Variants in P3H1 observed in about 807,000 individuals in gnomAD.
P3H1 encodes the protein prolyl 3-hydroxylase 1, also known as growth suppressor 1.
Under a neutral mutation model 84.0 loss-of-function variants are expected in P3H1, and 69 were observed. That is an observed-to-expected ratio of 0.82 (90% CI 0.68 to 1.00). The LOEUF is 1.00. Among genes scored for constraint, P3H1 ranks in the 50% least tolerant of loss-of-function variants. P3H1 has a pLI of 0.00. For synonymous variants in P3H1, 366 were observed against 388.8 expected (o/e 0.94, Z 0.69); for missense variants, 878 against 962.8 (o/e 0.91, Z 1.17).
intron 2 of P3H1, among the ~76,000 whole-genome samples, chr1:42,759,720 AG>A (rs1177774071): frequency 6.6e-6 from 1 of 151,764 alleles, no homozygotes; most frequent in Non-Finnish European, 1.5e-5. Context: ...CAGCCTCCCT[AG>A]TAGCTGGGAT....
intron 11 of P3H1, among the ~76,000 whole-genome samples, chr1:42,749,009 C>T (rs1651885291): frequency 6.6e-6 from 1 of 152,258 alleles, no homozygotes; most frequent in African/African-American, 2.4e-5. Context: ...CTCACTTCTC[C>T]CTCCTCCCAC....
At chr1:42,753,405 TTC>T (rs919407380) in intron 8 of P3H1, among the ~76,000 whole-genome samples, 7 of 152,208 alleles carry the variant, frequency 4.6e-5, no homozygotes, top group Admixed American at 2.6e-4. Context: ...CTCATGGTGT[TTC>T]TCTGTGCTAG....
Position 42,750,649 on chromosome 1 carries a change from CCGG to C in P3H1, c.1570-316_1570-314del, listed in dbSNP as rs1557563116. Among the ~76,000 whole-genome samples, 2 of 25,120 alleles carry C rather than the reference CCGG, an allele frequency of 8.0e-5. 1 individual carries two copies. The highest frequency in any genetic ancestry group is 1.5e-4 in the Non-Finnish European group (2 of 13,008). 16.5% of individuals were successfully genotyped at this position (25,120 alleles called of 152,430 possible). A position where few individuals can be genotyped will look rare whatever the true frequency, so the allele number is the denominator to read the frequency against. ...CCAGCCACCCCGTCCGGGAGGGAGG[CCGG>C]GGGGGGTGGTCGGCCAGCCGCCCCG... On this transcript the variant is annotated intron_variant, in intron 10 of 14. Coordinates refer to ENST00000296388, the MANE Select transcript of P3H1 (RefSeq NM_022356.4).
At chr1:42,749,015 C>G (rs904913950) in intron 11 of P3H1, among the ~76,000 whole-genome samples, 1 of 152,272 alleles carries the variant, frequency 6.6e-6, no homozygotes, top group African/African-American at 2.4e-5. Context: ...TCTCCCTCCT[C>G]CCACTGCCAC....
Position 42,746,744 on chromosome 1 carries a change from G to A in P3H1, c.2164C>T (p.Gln722Ter), listed in dbSNP as rs771006240. 2 of 1,552,892 alleles carry A rather than the reference G, an allele frequency of 1.3e-6. No individual in the cohort carries two copies. Among genetic ancestry groups the A allele is most frequent in the Non-Finnish European group, 1.7e-6 (2 of 1,147,638 alleles). The change falls in exon 15 of 15, where the codon CAA (glutamine) becomes TAA (stop). Residue 722 changes from glutamine (Q) to a stop codon, truncating the protein, a stop_gained. Coordinates refer to ENST00000296388, the MANE Select transcript of P3H1 (RefSeq NM_022356.4). LOFTEE classifies it high-confidence loss of function. ...DAQQGPPEPA[Q>*]ESLSGSESKP... ...GATTCACTGCCTGAGAGAGACTCTTGTGCAGGTTCGGGGGGGCCCTGCTGG... is the reference window on the plus strand; with the variant it reads ...GATTCACTGCCTGAGAGAGACTCTTATGCAGGTTCGGGGGGGCCCTGCTGG...
At chr1:42,746,931 G>C (rs1314707362) in intron 14 of P3H1, 79 bp from the exon 15 acceptor site, 6 of 1,614,144 alleles carry the variant, frequency 3.7e-6, no homozygotes, top group Non-Finnish European at 5.1e-6. Flanking sequence ...ACTTCCCAGG[G>C]GACAAGGAAG....
chr1:42,752,299 C>A lies in P3H1; in HGVS notation c.1544G>T (p.Gly515Val). The change falls in exon 10 of 15, where the codon GGT becomes GTT. Residue 515 changes from glycine (G) to valine (V), a missense_variant. By Grantham distance (109) the Gly-to-Val change is moderately radical (BLOSUM62 -3). Transcript: ENST00000296388. ...CTTGAGGGCTTTGAAGACAGTGACACCATAGAACTTTTCATTGGGAGTATG... is the reference window on the plus strand; with the variant it reads ...CTTGAGGGCTTTGAAGACAGTGACAACATAGAACTTTTCATTGGGAGTATG... ...SPHTPNEKFY[G>V]VTVFKALKLG... 2 of 1,614,074 alleles carry A rather than the reference C, an allele frequency of 1.2e-6. No homozygotes were observed. The highest frequency in any genetic ancestry group is 1.7e-6 in the Non-Finnish European group (2 of 1,179,968).
intron 8 of P3H1, among the ~76,000 whole-genome samples, chr1:42,753,300 C>A (rs968388724): frequency 6.6e-6 from 1 of 152,170 alleles, no homozygotes; most frequent in East Asian, 1.9e-4. Context: ...CAAAGGAATG[C>A]TGGACAAATT....
intron 2 of P3H1, chr1:42,761,059 C>A (rs1652686112): frequency 6.6e-6 from 1 of 150,716 alleles, no homozygotes; most frequent in African/African-American, 2.4e-5. Flanking sequence ...GCAACCTCCA[C>A]CTTCCAGGTT....
Position 42,754,718 on chromosome 1 carries a change from TAGGA to T in P3H1, c.1345+147_1345+150del, listed in dbSNP as rs768968897. Reference sequence around the variant, plus strand: ...CCAGCTGAAAGTCCCGCTGGTGAGTTAGGAAGGATGTCCACTGAACTTGCACCCT... The same window carrying T: ...CCAGCTGAAAGTCCCGCTGGTGAGTTAGGATGTCCACTGAACTTGCACCCT... On this transcript the variant is annotated intron_variant, in intron 8 of 14. Transcript: ENST00000296388. The surrounding 1 kb of genome is among the most constrained non-coding windows in gnomAD (Gnocchi z 4.0). 3 of 939,620 alleles carry T rather than the reference TAGGA, an allele frequency of 3.2e-6. No homozygotes were observed. Among genetic ancestry groups the T allele is most frequent in the Non-Finnish European group, 5.0e-6 (3 of 597,308 alleles). 58.2% of individuals were successfully genotyped at this position (939,620 alleles called of 1,614,324 possible). A position where few individuals can be genotyped will look rare whatever the true frequency, so the allele number is the denominator to read the frequency against.
Position 42,754,494 on chromosome 1 carries a change from A to G in P3H1, c.1345+375T>C, listed in dbSNP as rs113755712. On this transcript the variant is annotated intron_variant, in intron 8 of 14. Transcript: ENST00000296388. This position sits in a 1 kb window ranked among gnomAD's most constrained non-coding sequence, Gnocchi z 4.0. ...TGGAAGTGGACAACACTAGTCACTC[A>G]TGTTTCTGTGACACAGAAGTCTCAT... 5.9e-5 allele frequency among the ~76,000 whole-genome samples: 9 copies of G among 152,260 alleles called. No individual in the cohort carries two copies. The highest frequency in any genetic ancestry group is 2.2e-4 in the African/African-American group (9 of 41,546).
Position 42,747,715 on chromosome 1 carries a change from G to A in P3H1, c.1914+8C>T. 2 of 1,613,700 alleles carry A rather than the reference G, an allele frequency of 1.2e-6. No individual in the cohort carries two copies. The highest frequency in any genetic ancestry group is 1.7e-6 in the Non-Finnish European group (2 of 1,179,578). On this transcript the variant is annotated splice_region_variant and intron_variant, in intron 13 of 14. Transcript: ENST00000296388. Reference sequence around the variant, plus strand: ...ATCTCCCAGGGACAAGGACAAGGGAGCACTCACCGTCACGGTCTTGGCATC... The same window carrying A: ...ATCTCCCAGGGACAAGGACAAGGGAACACTCACCGTCACGGTCTTGGCATC...
At chr1:42,748,467 A>G in intron 11 of P3H1, 150 bp from the exon 12 acceptor site, 1 of 721,698 alleles carries the variant, frequency 1.4e-6, no homozygotes. Context: ...CCACAAGCCT[A>G]GGGGTCAGGA....
At position 42,754,900 on chromosome 1, in the gene P3H1, C is replaced by G. The variant is rs371567407; in HGVS notation, c.1314G>C (p.Glu438Asp). Residue 438 changes from glutamate to aspartate, a missense_variant, in exon 8 of 15, where the codon GAG becomes GAC. Physicochemically the swap from Glu to Asp is conservative, Grantham distance 45. Transcript: ENST00000296388. The surrounding 1 kb of genome is among the most constrained non-coding windows in gnomAD (Gnocchi z 4.0). ...IETLVEEKTK[E>D]SLDVSRLTRE... ...GGGTCAGTCTGCTCACATCCAGTGA[C>G]TCCTTGGTCTTCTCTTCCACAAGGG... The G allele has an allele frequency of 6.2e-7, 1 of 1,614,208 alleles. No homozygotes were observed. Among genetic ancestry groups the G allele is most frequent in the Admixed American group, 1.7e-5 (1 of 60,030 alleles).
In P3H1 at chr1:42,763,195, A is replaced by G. The variant is rs111805265; in HGVS notation, c.466-720T>C. On this transcript the variant is annotated intron_variant, in intron 1 of 14. Coordinates refer to ENST00000296388, the MANE Select transcript of P3H1 (RefSeq NM_022356.4). ...GTAGAGAAAAAAGAGCAGCTAACAG[A>G]CTATGCCTAAGAATTTTCCTAGAAA... is the stretch of plus-strand genomic sequence containing the variant. Among the ~76,000 whole-genome samples, 940 of 152,274 alleles carry G rather than the reference A, an allele frequency of 6.2e-3. 7 individuals carry two copies. Among genetic ancestry groups the G allele is most frequent in the African/African-American group, 0.021 (879 of 41,556 alleles).
chr1:42,765,738 TC>T lies in P3H1; in HGVS notation c.465+768del, dbSNP rs559839349. The stretch of plus-strand genomic sequence containing the variant: ...ACCAGATATAATGCACAACTCTTTC[TC>T]CCCCCACCCCCAATACAGTGGGACT... On this transcript the variant is annotated intron_variant, in intron 1 of 14. Coordinates refer to ENST00000296388, the MANE Select transcript of P3H1 (RefSeq NM_022356.4). Among the ~76,000 whole-genome samples the T allele has an allele frequency of 2.0e-4, 30 of 151,948 alleles. No homozygotes were observed. In the South Asian group the frequency reaches 4.8e-3, roughly 24 times the overall value.
At chr1:42,758,372 TTGTTA>T (rs1378248081) in intron 4 of P3H1, among the ~76,000 whole-genome samples, 48 of 152,344 alleles carry the variant, frequency 3.2e-4, no homozygotes, top group Non-Finnish European at 6.2e-4. Flanking sequence ...TTGTTGATAT[TTGTTA>T]GTCATCTCAA....
rs375752779 is a variant in P3H1, at chr1:42,746,903, C to G, written c.2056-51G>C. The G allele has an allele frequency of 3.7e-6, 6 of 1,614,200 alleles. No homozygotes were observed. In the Admixed American group the frequency reaches 6.7e-5, roughly 18 times the overall value. The stretch of plus-strand genomic sequence containing the variant: ...CAGAGAGGCCTCCGCTCCAGACACT[C>G]GCTATCTCTCAGCTGCTACTTCCCA... On this transcript the variant is annotated intron_variant, in intron 14 of 14. Coordinates refer to ENST00000296388, the MANE Select transcript of P3H1 (RefSeq NM_022356.4).
In P3H1 at chr1:42,759,359, G is replaced by A; in HGVS notation, c.650C>T (p.Ser217Leu). The A allele has an allele frequency of 6.2e-7, 1 of 1,614,176 alleles. No homozygotes were observed. The highest frequency in any genetic ancestry group is 8.5e-7 in the Non-Finnish European group (1 of 1,180,042). ...CACAGCTTCCTGTGGCTGTTCCTCTGAGTAGAGTCGCACTCCCAGTCGAAA... is the reference window on the plus strand; with the variant it reads ...CACAGCTTCCTGTGGCTGTTCCTCTAAGTAGAGTCGCACTCCCAGTCGAAA... ...QEFRLGVRLY[S>L]EEQPQEAVPH... Residue 217 changes from serine (S) to leucine (L), a missense_variant, in exon 3 of 15, where the codon TCA becomes TTA. By Grantham distance (145) the Ser-to-Leu change is moderately radical. Coordinates refer to ENST00000296388, the MANE Select transcript of P3H1 (RefSeq NM_022356.4).
Sources: gnomAD v4.1 joint callset for allele counts (sites outside exome capture counted in the v4.1 genomes callset) on GRCh38, gnomAD v4.1.1 for gene constraint, Gnocchi (gnomAD v3.1) non-coding constraint, MANE v1.5 for transcripts, NCBI Gene and HGNC (gene_info 2026-07-23, HGNC 2026-07-21) for gene names.